Variants in TBC1D1 observed in about 807,000 individuals in gnomAD.
TBC1D1 encodes TBC1 domain family member 1, also known as TBC1 (tre-2/USP6, BUB2, cdc16) domain family, member 1.
A neutral mutation model predicts 125.6 loss-of-function variants in TBC1D1; 89 were observed. The observed-to-expected ratio is 0.71, with a 90% CI of 0.60 to 0.85. TBC1D1 has a LOEUF of 0.85. Ranked by LOEUF, TBC1D1 falls within the 40% of genes least tolerant of loss-of-function variation. The probability of loss-of-function intolerance (pLI) is 0.00; values close to 1 mark genes in which losing one functional copy is unlikely to be tolerated. For synonymous variants in TBC1D1, 565 were observed against 564.1 expected (o/e 1.00, Z -0.02); for missense variants, 1,377 against 1,469.2 (o/e 0.94, Z 1.03).
intron 15 of TBC1D1, chr4:38,110,843 T>A (rs1400892505): frequency 1.0e-6 from 1 of 984,270 alleles, no homozygotes; most frequent in African/African-American, 1.7e-5. Context: ...GAAATTAGCT[T>A]TCCCTGAGCT....
intron 14 of TBC1D1, 49 bp from the exon 17 acceptor site, chr4:38,102,950 G>T: frequency 6.5e-7 from 1 of 1,532,592 alleles, no homozygotes; most frequent in Non-Finnish European, 8.9e-7. Flanking sequence ...TTATTATTAA[G>T]TTGTATTCTG....
intron 12 of TBC1D1, among the ~76,000 whole-genome samples, chr4:38,059,035 A>G (rs2152493994): frequency 6.6e-6 from 1 of 152,360 alleles, no homozygotes. Flanking sequence ...TTGTTTACTC[A>G]GGGATGTGTG....
intron 16 of TBC1D1, 149 bp from the exon 19 acceptor site, chr4:38,117,884 T>C: frequency 1.3e-6 from 1 of 742,386 alleles, no homozygotes; most frequent in Non-Finnish European, 2.2e-6. Flanking sequence ...GTTGGATGAA[T>C]TAGTAGCTGA....
At chr4:38,112,454 C>T (rs889285758) in intron 15 of TBC1D1, among the ~76,000 whole-genome samples, 11 of 152,000 alleles carry the variant, frequency 7.2e-5, no homozygotes, top group East Asian at 1.9e-4. Flanking sequence ...GTGGTCTATC[C>T]GAAGATTATT....
At chr4:38,040,872 A>G (rs923214963) in intron 8 of TBC1D1, among the ~76,000 whole-genome samples, 1 of 152,168 alleles carries the variant, frequency 6.6e-6, no homozygotes, top group Non-Finnish European at 1.5e-5. Context: ...CTATTTGCTG[A>G]GTGAGTCTGT....
intron 2 of TBC1D1, among the ~76,000 whole-genome samples, chr4:37,907,306 T>C (rs374501410): frequency 6.6e-6 from 1 of 152,338 alleles, no homozygotes; most frequent in Non-Finnish European, 1.5e-5. Context: ...TTTAGAAGGT[T>C]AGCTGTAATA....
In TBC1D1 at chr4:38,115,933, G is replaced by A; in HGVS notation, c.2781G>A (p.Arg927=). ...ACATGGGGCTGCGGAAACAGTATCG[G>A]CCAGACATGATTATTTTACAGGTAT... The change falls in exon 16 of 20, where the codon CGG becomes CGA. Residue 927 remains arginine (R), a synonymous_variant. Coordinates refer to ENST00000261439, the MANE Select transcript of TBC1D1 (RefSeq NM_015173.4). 1 of 1,614,150 alleles carries A rather than the reference G, an allele frequency of 6.2e-7. No individual in the cohort carries two copies. The highest frequency in any genetic ancestry group is 8.5e-7 in the Non-Finnish European group (1 of 1,180,026).
chr4:38,073,031 A>G (rs1754970933), intron 12 of TBC1D1, among the ~76,000 whole-genome samples: 1 of 151,980 alleles, frequency 6.6e-6, no homozygotes, highest in Non-Finnish European at 1.5e-5. Flanking sequence ...GTTGACATTC[A>G]TCTGCTTCCA....
chr4:37,953,675 T>A lies in TBC1D1; in HGVS notation c.417+51163T>A, dbSNP rs201880833. Among the ~76,000 whole-genome samples the A allele has an allele frequency of 1.6e-4, 25 of 152,284 alleles. No individual in the cohort carries two copies. The East Asian group carries it at 4.8e-3, about 29-fold the overall frequency. ...TGACTAAGGTTGATGTGTAGAATAG[T>A]GGTAAATTCTACAGAACCTTAGAGC... On this transcript the variant is annotated intron_variant, in intron 2 of 19. Transcript: ENST00000261439.
chr4:38,103,922 G>A (rs1377722982), intron 15 of TBC1D1, among the ~76,000 whole-genome samples: 1 of 151,904 alleles, frequency 6.6e-6, no homozygotes, highest in Admixed American at 6.6e-5. Flanking sequence ...CACTTTGGGA[G>A]GCCAAGGCTG....
intron 18 of TBC1D1, among the ~76,000 whole-genome samples, chr4:38,125,478 TTGAG>T (rs1764493600): frequency 6.6e-6 from 1 of 152,218 alleles, no homozygotes; most frequent in Non-Finnish European, 1.5e-5. Context: ...GTTTTGTACA[TTGAG>T]TGCTTTGATT....
intron 2 of TBC1D1, among the ~76,000 whole-genome samples, chr4:37,955,237 G>A (rs1728703493): frequency 6.6e-6 from 1 of 152,146 alleles, no homozygotes; most frequent in African/African-American, 2.4e-5. Context: ...TCTGGAGCAT[G>A]TATCTCTCCC....
chr4:38,045,978 C>T (rs1749369618), intron 10 of TBC1D1, 75 bp downstream of exon 10: 1 of 1,298,312 alleles, frequency 7.7e-7, no homozygotes, highest in African/African-American at 1.5e-5. Context: ...GTCTACATAC[C>T]TCCAATCATA....
intron 8 of TBC1D1, among the ~76,000 whole-genome samples, chr4:38,039,940 C>T (rs1044868375): frequency 6.6e-6 from 1 of 151,250 alleles, no homozygotes; most frequent in African/African-American, 2.4e-5. Context: ...ATAGCGAGAC[C>T]CCCATCTCTG....
intron 15 of TBC1D1, among the ~76,000 whole-genome samples, chr4:38,103,994 C>A (rs13141346): frequency 0.27 from 40,619 of 151,218 alleles, 5,465 homozygotes; most frequent in Admixed American, 0.3. Flanking sequence ...CCTGTCTCTA[C>A]TAAAAATACA....
chr4:38,045,122 C>T (rs1299655927), intron 9 of TBC1D1, among the ~76,000 whole-genome samples: 1 of 152,178 alleles, frequency 6.6e-6, no homozygotes, highest in Non-Finnish European at 1.5e-5. Context: ...TACACATGTA[C>T]ATCAATCTGG....
At chr4:37,997,778 CTT>C (rs1465064012) in intron 2 of TBC1D1, among the ~76,000 whole-genome samples, 1 of 144,380 alleles carries the variant, frequency 6.9e-6, no homozygotes, top group African/African-American at 2.5e-5. Flanking sequence ...TATACATTTA[CTT>C]TTTTTTTTTT....
At chr4:38,004,822 C>T (rs936017360) in intron 2 of TBC1D1, among the ~76,000 whole-genome samples, 5 of 152,000 alleles carry the variant, frequency 3.3e-5, no homozygotes, top group Non-Finnish European at 5.9e-5. Flanking sequence ...TTTTAGAAAC[C>T]GAAGATAATT....
chr4:37,901,117 A>G (rs62297411), intron 1 of TBC1D1, among the ~76,000 whole-genome samples: 17,206 of 151,286 alleles, frequency 0.11, 1,041 homozygotes, highest in African/African-American at 0.15. Context: ...AAATGTAGTT[A>G]AGGGAGTTTG....
Sources: allele counts gnomAD v4.1 joint callset (sites outside exome capture counted in the v4.1 genomes callset), GRCh38; gene constraint gnomAD v4.1.1; transcripts MANE v1.5; gene names NCBI Gene and HGNC (gene_info 2026-07-23, HGNC 2026-07-21).